Variants in ZCCHC7 observed in about 807,000 individuals in gnomAD.
ZCCHC7 encodes the protein zinc finger CCHC domain-containing protein 7.
A neutral mutation model predicts 52.0 loss-of-function variants in ZCCHC7; 35 were observed. The ratio of observed to expected loss-of-function variants is 0.67; its 90% confidence interval spans 0.51 to 0.89. The LOEUF (loss-of-function observed/expected upper bound fraction) is 0.89. Ranked by LOEUF, ZCCHC7 falls within the 40% of genes least tolerant of loss-of-function variation. The probability of loss-of-function intolerance (pLI) is 0.00; values close to 1 mark genes in which losing one functional copy is unlikely to be tolerated. For synonymous variants in ZCCHC7, 217 were observed against 221.5 expected (o/e 0.98, Z 0.18); for missense variants, 574 against 649.1 (o/e 0.88, Z 1.26).
At chr9:37,218,253 A>G (rs1824618295) in intron 2 of ZCCHC7, among the ~76,000 whole-genome samples, 1 of 152,202 alleles carries the variant, frequency 6.6e-6, no homozygotes, top group Non-Finnish European at 1.5e-5. Flanking sequence ...TTGTGGATTC[A>G]AATCCTCAAA....
chr9:37,165,901 A>G (rs1821392104), intron 2 of ZCCHC7, among the ~76,000 whole-genome samples: 1 of 152,256 alleles, frequency 6.6e-6, no homozygotes, highest in Non-Finnish European at 1.5e-5. Flanking sequence ...CCAACTGAGA[A>G]CAATGTTAAC....
intron 2 of ZCCHC7, among the ~76,000 whole-genome samples, chr9:37,210,717 C>T (rs1209505883): frequency 2.0e-5 from 3 of 152,178 alleles, no homozygotes; most frequent in South Asian, 2.1e-4. Context: ...TACCCTATTC[C>T]ACTGGTTTCT....
At chr9:37,303,176 A>T (rs547192677) in intron 3 of ZCCHC7, among the ~76,000 whole-genome samples, 4 of 152,092 alleles carry the variant, frequency 2.6e-5, no homozygotes, top group East Asian at 1.9e-4. Flanking sequence ...TGTAATCCCA[A>T]CACTTTGGGA....
intron 6 of ZCCHC7, among the ~76,000 whole-genome samples, chr9:37,345,882 T>C (rs1379855018): frequency 6.6e-6 from 1 of 152,202 alleles, no homozygotes; most frequent in Non-Finnish European, 1.5e-5. Flanking sequence ...GTAGGAAAGA[T>C]TATTGAGGTT....
chr9:37,215,565 T>C (rs190103694), intron 2 of ZCCHC7, among the ~76,000 whole-genome samples: 210 of 152,324 alleles, frequency 1.4e-3, no homozygotes, highest in Non-Finnish European at 2.6e-3. Flanking sequence ...GCTTTAGTCT[T>C]TCCATAAATT....
At chr9:37,278,180 C>T (rs1162124201) in intron 2 of ZCCHC7, among the ~76,000 whole-genome samples, 1 of 152,032 alleles carries the variant, frequency 6.6e-6, no homozygotes, top group Non-Finnish European at 1.5e-5. Context: ...TCACTTCAGC[C>T]TGCCAAGTAG....
At chr9:37,309,752 T>C (rs2133741920) in intron 5 of ZCCHC7, among the ~76,000 whole-genome samples, 1 of 152,162 alleles carries the variant, frequency 6.6e-6, no homozygotes. Flanking sequence ...CAAAACCCCA[T>C]CCCTACTAAA....
intron 2 of ZCCHC7, among the ~76,000 whole-genome samples, chr9:37,182,068 ATAT>A (rs1822385440): frequency 6.6e-6 from 1 of 152,164 alleles, no homozygotes; most frequent in African/African-American, 2.4e-5. Context: ...GTTTATAGAG[ATAT>A]TATTACTAGA....
chr9:37,347,114 C>T (rs1192552606), intron 6 of ZCCHC7, among the ~76,000 whole-genome samples: 2 of 152,164 alleles, frequency 1.3e-5, no homozygotes, highest in African/African-American at 2.4e-5. Context: ...CTCCACAAAG[C>T]GTGGGGGTGT....
At chr9:37,213,241 A>G (rs772783818) in intron 2 of ZCCHC7, among the ~76,000 whole-genome samples, 11 of 152,240 alleles carry the variant, frequency 7.2e-5, no homozygotes, top group South Asian at 4.1e-4. Context: ...CCTCCACACA[A>G]TTTTGAAGAT....
intron 2 of ZCCHC7, among the ~76,000 whole-genome samples, chr9:37,244,684 T>G (rs1249365277): frequency 6.6e-6 from 1 of 151,782 alleles, no homozygotes; most frequent in Non-Finnish European, 1.5e-5. Flanking sequence ...TAAAAAGAAG[T>G]GGTAAATGTT....
At chr9:37,340,125 A>G (rs1410763159) in intron 6 of ZCCHC7, among the ~76,000 whole-genome samples, 1 of 152,138 alleles carries the variant, frequency 6.6e-6, no homozygotes, top group Non-Finnish European at 1.5e-5. Context: ...TGCAGAAAAA[A>G]GGGTTATGTA....
intron 2 of ZCCHC7, among the ~76,000 whole-genome samples, chr9:37,265,828 C>T (rs1827079716): frequency 6.6e-6 from 1 of 152,052 alleles, no homozygotes; most frequent in Non-Finnish European, 1.5e-5. Flanking sequence ...TCAGTGTTGG[C>T]CCTAGTCTGT....
chr9:37,124,864 C>T (rs890448318), intron 1 of ZCCHC7, among the ~76,000 whole-genome samples: 3 of 152,070 alleles, frequency 2.0e-5, no homozygotes, highest in African/African-American at 7.2e-5. Context: ...GTAACTAGTA[C>T]AGAGTTTTTA....
chr9:37,326,953 T>C (rs1034543871), intron 5 of ZCCHC7: 2 of 152,150 alleles, frequency 1.3e-5, no homozygotes, highest in African/African-American at 4.8e-5. Context: ...ACACACTTTT[T>C]GCTCCTGAGA....
chr9:37,224,840 C>G (rs1825012546), intron 2 of ZCCHC7, among the ~76,000 whole-genome samples: 1 of 152,178 alleles, frequency 6.6e-6, no homozygotes, highest in South Asian at 2.1e-4. Context: ...GCATGTGTGA[C>G]AAGAAATTAC....
chr9:37,341,891 G>A (rs193136169), intron 6 of ZCCHC7, among the ~76,000 whole-genome samples: 63 of 152,284 alleles, frequency 4.1e-4, no homozygotes, highest in Admixed American at 6.5e-5. Flanking sequence ...CAGGCTTGCT[G>A]TGAGGGAAAG....
chr9:37,340,285 T>G (rs776970529), intron 6 of ZCCHC7, among the ~76,000 whole-genome samples: 2 of 152,026 alleles, frequency 1.3e-5, no homozygotes, highest in Non-Finnish European at 2.9e-5. Flanking sequence ...TCAGCAAGAA[T>G]AGCAGATGGG....
chr9:37,132,236 T>C (rs1165791972), intron 2 of ZCCHC7, among the ~76,000 whole-genome samples: 1 of 152,230 alleles, frequency 6.6e-6, no homozygotes, highest in Non-Finnish European at 1.5e-5. Flanking sequence ...AGGATTGTTA[T>C]GTAAGACAAC....
Sources: allele counts gnomAD v4.1 joint callset (sites outside exome capture counted in the v4.1 genomes callset), GRCh38; gene constraint gnomAD v4.1.1; transcripts MANE v1.5; gene names NCBI Gene and HGNC (gene_info 2026-07-23, HGNC 2026-07-21).